Variants in MYO5C observed in about 807,000 individuals in gnomAD.
The protein encoded by MYO5C is myosin VC.
MYO5C carries 194 observed loss-of-function variants against 235.7 expected under a neutral mutation model. That is an observed-to-expected ratio of 0.82 (90% confidence interval 0.73 to 0.93). The LOEUF is 0.93. MYO5C is among the 40% of genes least tolerant of loss of function. MYO5C has a pLI of 0.00. For synonymous variants in MYO5C, 707 were observed against 754.8 expected, an observed-to-expected ratio of 0.94 and a Z score of 1.04; for missense variants, 2,038 against 2,127.2, an observed-to-expected ratio of 0.96 and a Z score of 0.82.
chr15:52,264,357 G>A, intron 8 of MYO5C, 61 bp from the exon 9 acceptor site: 1 of 1,305,416 alleles, frequency 7.7e-7, no homozygotes, highest in South Asian at 1.3e-5. Flanking sequence ...AGTAAGATGG[G>A]CACCTGGATT....
At position 52,261,146 on chromosome 15, in the gene MYO5C, G is replaced by GC. The variant is rs1368523428; in HGVS notation, c.1048-20dup. On this transcript the variant is annotated intron_variant, in intron 9 of 40. Transcript: ENST00000261839. ...CATCCTCCTTCAAAAACAAGCACAA[G>GC]CCCCGTCAGGTGGCCCAGCCATCCA... 1 of 1,610,552 alleles carries GC rather than the reference G, an allele frequency of 6.2e-7. No individual in the cohort carries two copies. Among genetic ancestry groups the GC allele is most frequent in the Non-Finnish European group, 8.5e-7 (1 of 1,178,218 alleles).
intron 5 of MYO5C, among the ~76,000 whole-genome samples, chr15:52,274,673 C>CCA (rs1555420128): frequency 7.4e-6 from 1 of 134,748 alleles, no homozygotes; most frequent in East Asian, 2.6e-4. Context: ...TCTTAGTACC[C>CCA]CCCCCCCGAC....
chr15:52,259,419 C>CA (rs11388485), intron 10 of MYO5C, among the ~76,000 whole-genome samples: 116,299 of 127,358 alleles, frequency 0.91, 53,243 homozygotes, highest in Non-Finnish European at 0.97. Flanking sequence ...GACTCCGTCT[C>CA]AAAAAAAAAA....
At chr15:52,225,291 T>G (rs2035795729) in intron 26 of MYO5C, 148 bp downstream of exon 26, 1 of 1,053,204 alleles carries the variant, frequency 9.5e-7, no homozygotes, top group Non-Finnish European at 1.4e-6. Context: ...TTCCAGGTAT[T>G]CAACCAACTA....
At chr15:52,272,217 C>T (rs1410687683) in intron 6 of MYO5C, among the ~76,000 whole-genome samples, 2 of 152,160 alleles carry the variant, frequency 1.3e-5, no homozygotes, top group African/African-American at 2.4e-5. Flanking sequence ...CTTTTAAAAC[C>T]CCCTCAATAG....
At chr15:52,239,634 A>C (rs568699366) in intron 21 of MYO5C, 99 bp downstream of exon 21, 1 of 1,325,798 alleles carries the variant, frequency 7.5e-7, no homozygotes, top group South Asian at 1.5e-5. Flanking sequence ...ACCTCCTAAC[A>C]TGGCATAAAT....
chr15:52,208,562 C>G lies in MYO5C; in HGVS notation c.4378G>C (p.Gly1460Arg). 6.2e-7 allele frequency: 1 copy of G among 1,614,054 alleles called. No homozygotes were observed. Among genetic ancestry groups the G allele is most frequent in the Non-Finnish European group, 8.5e-7 (1 of 1,179,974 alleles). The change falls in exon 36 of 41, where the codon GGA (glycine) becomes CGA (arginine). Residue 1460 changes from glycine to arginine, a missense_variant. By Grantham distance (125) the Gly-to-Arg change is moderately radical (BLOSUM62 -2). Coordinates refer to ENST00000261839, the MANE Select transcript of MYO5C (RefSeq NM_018728.4). ...AGGTGGGCGCCCCCTACCTCTTCTC[C>G]GCTGTACTGCTTCAGGCAATTGAGA... ...HFLNCLKQYS[G>R]EEEFMKHNSP...
chr15:52,264,231 C>CG lies in MYO5C; in HGVS notation c.1005_1006insC (p.Val336ArgfsTer14). 2 of 1,614,084 alleles carry CG rather than the reference C, an allele frequency of 1.2e-6. No individual in the cohort carries two copies. Among genetic ancestry groups the CG allele is most frequent in the Non-Finnish European group, 1.7e-6 (2 of 1,179,948 alleles). Reference sequence around the variant, plus strand: ...TCGTTGCCCACCGCGGTGATCTGCACATTGCCCAGATGTAGGATGGCTGCC... The same window carrying CG: ...TCGTTGCCCACCGCGGTGATCTGCACGATTGCCCAGATGTAGGATGGCTGCC... On this transcript the variant is annotated frameshift_variant, in exon 9 of 41. Transcript: ENST00000261839. LOFTEE classifies it high-confidence loss of function.
chr15:52,229,211 G>C lies in MYO5C; in HGVS notation c.3129C>G (p.Leu1043=), dbSNP rs1291677471. ...CGTGCTCCCCCTCCACCAGGTGTTG[G>C]AGTTGCATCTTCTCATCCTTGAGAG... ...IKALKDEKMQ[L]QHLVEGEHVT... The change falls in exon 25 of 41, where the codon CTC becomes CTG. Residue 1043 remains leucine, a synonymous_variant. Coordinates refer to ENST00000261839, the MANE Select transcript of MYO5C (RefSeq NM_018728.4). The C allele has an allele frequency of 1.2e-6, 2 of 1,614,206 alleles. No individual in the cohort carries two copies. Among genetic ancestry groups the C allele is most frequent in the South Asian group, 2.2e-5 (2 of 91,078 alleles).
intron 8 of MYO5C, 118 bp downstream of exon 8, chr15:52,269,635 C>T: frequency 1.5e-6 from 1 of 661,858 alleles, no homozygotes; most frequent in Non-Finnish European, 2.6e-6. Flanking sequence ...TTGTGATCCG[C>T]CCACCTCAGC....
At chr15:52,237,928 C>T (rs897945995) in intron 21 of MYO5C, among the ~76,000 whole-genome samples, 2 of 149,346 alleles carry the variant, frequency 1.3e-5, no homozygotes, top group African/African-American at 2.4e-5. Flanking sequence ...TGCCCCCCGC[C>T]AAAATTCATT....
chr15:52,203,021 A>T (rs2035224175), intron 38 of MYO5C, among the ~76,000 whole-genome samples: 1 of 149,728 alleles, frequency 6.7e-6, no homozygotes, highest in South Asian at 2.1e-4. Flanking sequence ...CCCCAGTTCT[A>T]GTGATTCTCT....
chr15:52,219,736 GGT>G, intron 31 of MYO5C, 21 bp downstream of exon 31: 2 of 1,580,314 alleles, frequency 1.3e-6, no homozygotes, highest in Non-Finnish European at 1.7e-6. Flanking sequence ...ATGAACTTGA[GGT>G]ACACACATAT....
chr15:52,289,192 C>T (rs542129377), intron 1 of MYO5C, among the ~76,000 whole-genome samples: 7 of 151,914 alleles, frequency 4.6e-5, no homozygotes, highest in Admixed American at 3.3e-4. Flanking sequence ...CCTCCCACTG[C>T]CCCCCATGTC....
At chr15:52,256,811 C>A in intron 10 of MYO5C, 91 bp from the exon 11 acceptor site, 2 of 965,612 alleles carry the variant, frequency 2.1e-6, no homozygotes, top group Non-Finnish European at 3.3e-6. Flanking sequence ...AAAGCTTAAA[C>A]GTTTGCTATG....
In MYO5C at chr15:52,261,118, T is replaced by TGTC. The variant is rs759049174; in HGVS notation, c.1054_1056dup (p.Asp352dup). ...AGCTCACAGAACACCTTCAGGTGAC[T>TGTC]GTCATCCTCCTTCAAAAACAAGCAC... On this transcript the variant is annotated inframe_insertion, in exon 10 of 41. Coordinates refer to ENST00000261839, the MANE Select transcript of MYO5C (RefSeq NM_018728.4). 1.2e-6 allele frequency: 2 copies of TGTC among 1,613,494 alleles called. No individual in the cohort carries two copies. The highest frequency in any genetic ancestry group is 8.5e-7 in the Non-Finnish European group (1 of 1,179,542).
intron 2 of MYO5C, among the ~76,000 whole-genome samples, chr15:52,282,570 C>T (rs1416304896): frequency 6.6e-6 from 1 of 152,190 alleles, no homozygotes; most frequent in Admixed American, 6.5e-5. Flanking sequence ...GAGAGAGGCC[C>T]GGTGGATGCA....
At chr15:52,228,309 A>G (rs929054789) in intron 25 of MYO5C, among the ~76,000 whole-genome samples, 1 of 152,128 alleles carries the variant, frequency 6.6e-6, no homozygotes, top group East Asian at 1.9e-4. Flanking sequence ...ACGCCCAGCC[A>G]ATTTTTGTAT....
In MYO5C at chr15:52,196,397, TGA is replaced by T; in HGVS notation, c.4905_4906del (p.Gln1636GlyfsTer14). ...CTTGACCTGAAGCAACCAGGCTGCC[TGA>T]GAGAGGGGCTCCAAAGTTTCCTTTG... is the stretch of plus-strand genomic sequence containing the variant. On this transcript the variant is annotated frameshift_variant, in exon 39 of 41. Coordinates refer to ENST00000261839, the MANE Select transcript of MYO5C (RefSeq NM_018728.4). LOFTEE classifies it high-confidence loss of function. The T allele has an allele frequency of 6.2e-7, 1 of 1,614,204 alleles. No homozygotes were observed. The highest frequency in any genetic ancestry group is 8.5e-7 in the Non-Finnish European group (1 of 1,180,020).
Sources: allele counts gnomAD v4.1 joint callset (sites outside exome capture counted in the v4.1 genomes callset), GRCh38; gene constraint gnomAD v4.1.1; transcripts MANE v1.5; gene names NCBI Gene and HGNC (gene_info 2026-07-23, HGNC 2026-07-21).